The following TMED3 variants were observed in gnomAD, a reference collection of about 807,000 sequenced individuals.
TMED3 encodes transmembrane p24 trafficking protein 3.
TMED3 carries 9 observed loss-of-function variants against 15.0 expected under a neutral mutation model. That is an observed-to-expected ratio of 0.60 (90% confidence interval 0.36 to 1.04). The LOEUF (loss-of-function observed/expected upper bound fraction) is 1.04. Ranked by LOEUF, TMED3 falls within the 50% of genes least tolerant of loss-of-function variation. The pLI is 0.01. For synonymous variants in TMED3, 117 were observed against 121.4 expected (o/e 0.96, Z 0.24); for missense variants, 267 against 278.9 (o/e 0.96, Z 0.30).
chr15:79,319,059 A>T (rs1378146429), intron 2 of TMED3, among the ~76,000 whole-genome samples: 3 of 152,322 alleles, frequency 2.0e-5, no homozygotes, highest in Admixed American at 6.5e-5. Context: ...AGGATAGAGG[A>T]TGTCACTGAG....
At chr15:79,348,295 T>C (rs2058878650) in intron 2 of TMED3, among the ~76,000 whole-genome samples, 1 of 152,306 alleles carries the variant, frequency 6.6e-6, no homozygotes, top group Admixed American at 6.5e-5. Flanking sequence ...CACTTATCAA[T>C]GTGAAAACAT....
chr15:79,339,047 C>T (rs1274085786), intron 2 of TMED3, among the ~76,000 whole-genome samples: 1 of 152,166 alleles, frequency 6.6e-6, no homozygotes, highest in Non-Finnish European at 1.5e-5. Flanking sequence ...GGTCATGCTC[C>T]TAGTCTGCCT....
At chr15:79,403,219 TCAAAAA>T (rs1266180385) in intron 2 of TMED3, among the ~76,000 whole-genome samples, 8 of 18,004 alleles carry the variant, frequency 4.4e-4, no homozygotes, top group African/African-American at 1.6e-3. Context: ...GGACTCTGTC[TCAAAAA>T]AAAAAAAAAA....
At chr15:79,385,123 G>A (rs1567037789) in intron 2 of TMED3, among the ~76,000 whole-genome samples, 2 of 152,262 alleles carry the variant, frequency 1.3e-5, no homozygotes, top group South Asian at 2.1e-4. Context: ...CTTCTCCCAC[G>A]GATCTTTGCA....
At chr15:79,353,937 G>A (rs1278768816) in intron 2 of TMED3, among the ~76,000 whole-genome samples, 2 of 152,048 alleles carry the variant, frequency 1.3e-5, no homozygotes, top group African/African-American at 4.8e-5. Context: ...TAGAATCCTT[G>A]TCTAGACAAT....
intron 2 of TMED3, among the ~76,000 whole-genome samples, chr15:79,352,987 ATAT>A (rs1431248932): frequency 8.9e-6 from 1 of 112,820 alleles, no homozygotes; most frequent in African/African-American, 3.4e-5. Flanking sequence ...TATAAATTAT[ATAT>A]TATGTTATAT....
intron 2 of TMED3, among the ~76,000 whole-genome samples, chr15:79,379,278 T>C (rs970555596): frequency 9.9e-5 from 15 of 152,200 alleles, no homozygotes; most frequent in Non-Finnish European, 1.5e-5. Context: ...TTTATCATTA[T>C]TGAAATCTTA....
intron 2 of TMED3, among the ~76,000 whole-genome samples, chr15:79,409,195 A>T (rs117034603): frequency 1.2e-3 from 190 of 152,364 alleles, no homozygotes; most frequent in Middle Eastern, 3.4e-3. Context: ...TACAGTCTGC[A>T]AGTGCAGAGA....
At chr15:79,387,132 C>A (rs1893636626) in intron 2 of TMED3, among the ~76,000 whole-genome samples, 1 of 151,982 alleles carries the variant, frequency 6.6e-6, no homozygotes, top group Admixed American at 6.6e-5. Context: ...TCTCTGCCCC[C>A]AAATTAGGAA....
rs1019208675 is a variant in TMED3, at chr15:79,321,992, C to T, written c.432C>T (p.Cys144=). ...TTCCTGCCCAGATGGAGTCCGCCTGCGTGACCATCCATGAGGCTCTGAAAA... is the reference window on the plus strand; with the variant it reads ...TTCCTGCCCAGATGGAGTCCGCCTGTGTGACCATCCATGAGGCTCTGAAAA... The part of the protein sequence containing the change: ...VTALTQMESA[C]VTIHEALKTV... The change falls in exon 3 of 3, where the codon TGC becomes TGT. Residue 144 remains cysteine, a synonymous_variant. Coordinates refer to ENST00000299705, the MANE Select transcript of TMED3 (RefSeq NM_007364.4). 2.7e-5 allele frequency: 43 copies of T among 1,614,012 alleles called. No homozygotes were observed. Among genetic ancestry groups the T allele is most frequent in the Non-Finnish European group, 3.5e-5 (41 of 1,180,016 alleles).
At chr15:79,349,007 T>G (rs964400721) in intron 2 of TMED3, among the ~76,000 whole-genome samples, 3 of 151,976 alleles carry the variant, frequency 2.0e-5, no homozygotes, top group African/African-American at 4.8e-5. Flanking sequence ...CCCACTAGTT[T>G]TTTGATTTTT....
At chr15:79,311,655 C>T (rs1393757711) in intron 1 of TMED3, among the ~76,000 whole-genome samples, 5 of 152,148 alleles carry the variant, frequency 3.3e-5, no homozygotes, top group South Asian at 4.1e-4. Context: ...GGTGCGAGCC[C>T]GGGATGGGGA....
chr15:79,329,023 C>G (rs747598781), intron 2 of TMED3, among the ~76,000 whole-genome samples: 31 of 152,192 alleles, frequency 2.0e-4, no homozygotes, highest in Non-Finnish European at 4.3e-4. Flanking sequence ...CCTCCTTGTC[C>G]TCCCCTTTTT....
chr15:79,389,119 T>C (rs954047196), intron 2 of TMED3, among the ~76,000 whole-genome samples: 1 of 152,218 alleles, frequency 6.6e-6, no homozygotes, highest in Non-Finnish European at 1.5e-5. Flanking sequence ...TTATCTTTGT[T>C]TTTATTGCAT....
intron 2 of TMED3, among the ~76,000 whole-genome samples, chr15:79,377,577 G>T (rs1168481104): frequency 1.3e-5 from 2 of 151,648 alleles, no homozygotes; most frequent in Admixed American, 1.3e-4. Flanking sequence ...TAAAGAAGTA[G>T]TGAAGGACTC....
chr15:79,385,906 T>G (rs1048262331), intron 2 of TMED3, among the ~76,000 whole-genome samples: 2 of 152,244 alleles, frequency 1.3e-5, no homozygotes, highest in African/African-American at 4.8e-5. Context: ...CTATTTATTA[T>G]CTTGATTTTA....
downstream of TMED3, among the ~76,000 whole-genome samples, chr15:79,325,931 C>A (rs1475404603): frequency 6.6e-6 from 1 of 152,154 alleles, no homozygotes; most frequent in African/African-American, 2.4e-5. Flanking sequence ...TGGTGCCCAC[C>A]CACATTGAGG....
intron 2 of TMED3, among the ~76,000 whole-genome samples, chr15:79,349,520 AC>A (rs1432558053): frequency 2.6e-5 from 4 of 152,204 alleles, no homozygotes; most frequent in African/African-American, 9.7e-5. Flanking sequence ...CAGTAAAAAA[AC>A]AAATAAAATT....
intron 2 of TMED3, among the ~76,000 whole-genome samples, chr15:79,392,869 A>C (rs1454972522): frequency 6.6e-6 from 1 of 152,226 alleles, no homozygotes; most frequent in African/African-American, 2.4e-5. Context: ...ACAAAGCTAA[A>C]GGCTGTACAA....
Sources: allele counts gnomAD v4.1 joint callset (sites outside exome capture counted in the v4.1 genomes callset), GRCh38; gene constraint gnomAD v4.1.1; transcripts MANE v1.5; gene names NCBI Gene and HGNC (gene_info 2026-07-23, HGNC 2026-07-21).